Variants in SV2B observed in about 807,000 individuals in gnomAD.
SV2B encodes synaptic vesicle glycoprotein 2B.
In SV2B, 41 loss-of-function variants were observed where a neutral mutation model predicts 73.9. The ratio of observed to expected loss-of-function variants is 0.56; its 90% CI spans 0.43 to 0.72. SV2B has a LOEUF of 0.72. SV2B is among the 30% of genes least tolerant of loss of function. The pLI is 0.00. For synonymous variants in SV2B, 314 were observed against 314.2 expected, an observed-to-expected ratio of 1.00 and a Z score of 0.01; for missense variants, 764 against 857.8, an observed-to-expected ratio of 0.89 and a Z score of 1.37.
At chr15:91,168,953 A>T (rs2044016576) in intron 1 of SV2B, among the ~76,000 whole-genome samples, 2 of 152,208 alleles carry the variant, frequency 1.3e-5, no homozygotes, top group Non-Finnish European at 2.9e-5. Context: ...GTCCATGGTG[A>T]TTCTTCTTAT....
chr15:91,208,195 G>A (rs538457540), intron 1 of SV2B, among the ~76,000 whole-genome samples: 10 of 152,260 alleles, frequency 6.6e-5, no homozygotes, highest in South Asian at 2.1e-4. Context: ...GAAACCTAGC[G>A]GTGTCTGAGC....
rs368506500 is a variant in SV2B, at chr15:91,136,657, G to T, written c.-392+36294G>T. On this transcript the variant is annotated intron_variant, in intron 1 of 12. Coordinates refer to ENST00000394232, the MANE Select transcript of SV2B (RefSeq NM_001323032.3). This position sits in a 1 kb window ranked among gnomAD's most constrained non-coding sequence, Gnocchi z 5.6. ...TGGAGCAAGGAAGCTCTAGGTTCCC[G>T]TAAGGCAGACTGCCTTTTTAGTTGT... is the stretch of plus-strand genomic sequence containing the variant. 7.2e-5 allele frequency among the ~76,000 whole-genome samples: 11 copies of T among 152,152 alleles called. No individual in the cohort carries two copies. The highest frequency in any genetic ancestry group is 2.2e-4 in the African/African-American group (9 of 41,426).
chr15:91,109,926 A>C (rs2041992338), intron 1 of SV2B, among the ~76,000 whole-genome samples: 1 of 151,924 alleles, frequency 6.6e-6, no homozygotes, highest in Non-Finnish European at 1.5e-5. Flanking sequence ...TGTAGAGACG[A>C]GGTCTCATTA....
intron 1 of SV2B, among the ~76,000 whole-genome samples, chr15:91,179,903 A>C (rs1340097193): frequency 6.6e-6 from 1 of 150,392 alleles, no homozygotes; most frequent in East Asian, 2.0e-4. Flanking sequence ...TTTAAAGTTA[A>C]TATTGTTATG....
At chr15:91,246,589 C>T (rs953952561) in intron 2 of SV2B, among the ~76,000 whole-genome samples, 1 of 152,190 alleles carries the variant, frequency 6.6e-6, no homozygotes, top group East Asian at 1.9e-4. Flanking sequence ...GAACTGGGCT[C>T]TTTCTTGCAT....
intron 1 of SV2B, among the ~76,000 whole-genome samples, chr15:91,198,889 C>G (rs1437409381): frequency 6.6e-6 from 1 of 152,208 alleles, no homozygotes; most frequent in African/African-American, 2.4e-5. Context: ...TAGGAGATGC[C>G]TCTTTAGGAC....
intron 1 of SV2B, among the ~76,000 whole-genome samples, chr15:91,153,482 C>T (rs188691362): frequency 2.0e-5 from 3 of 152,242 alleles, no homozygotes; most frequent in East Asian, 1.9e-4. Flanking sequence ...GGCTCAATTT[C>T]CCCATCCCTC....
At chr15:91,279,147 C>A (rs1020154479) in intron 9 of SV2B, among the ~76,000 whole-genome samples, 1 of 152,196 alleles carries the variant, frequency 6.6e-6, no homozygotes, top group Non-Finnish European at 1.5e-5. Context: ...CCAACTGGAT[C>A]ACAAGTGTCC....
chr15:91,150,068 GATC>G (rs1348315426), intron 1 of SV2B, among the ~76,000 whole-genome samples: 4 of 152,006 alleles, frequency 2.6e-5, no homozygotes, highest in Non-Finnish European at 2.9e-5. Context: ...GCAATGGTGC[GATC>G]TTGGCTACTG....
intron 1 of SV2B, among the ~76,000 whole-genome samples, chr15:91,178,119 C>G (rs1331717386): frequency 6.6e-6 from 1 of 151,292 alleles, no homozygotes; most frequent in Non-Finnish European, 1.5e-5. Flanking sequence ...TGAATTTTGT[C>G]AAAGGCCTTT....
In SV2B at chr15:91,129,174, C is replaced by T. The variant is rs1324373494; in HGVS notation, c.-392+28811C>T. The stretch of plus-strand genomic sequence containing the variant: ...GATCCTTGGGATCAAGTCACTTCAA[C>T]AAATATTTAACATGCCCTGGGGTAG... On this transcript the variant is annotated intron_variant, in intron 1 of 12. Coordinates refer to ENST00000394232, the MANE Select transcript of SV2B (RefSeq NM_001323032.3). This position sits in a 1 kb window ranked among gnomAD's most constrained non-coding sequence, Gnocchi z 5.1. Among the ~76,000 whole-genome samples the T allele has an allele frequency of 6.6e-6, 1 of 152,146 alleles. No individual in the cohort carries two copies. The highest frequency in any genetic ancestry group is 1.5e-5 in the Non-Finnish European group (1 of 68,022).
intron 1 of SV2B, among the ~76,000 whole-genome samples, chr15:91,217,065 TG>T (rs1301651581): frequency 1.3e-5 from 2 of 151,504 alleles, no homozygotes; most frequent in East Asian, 4.0e-4. Context: ...TTAGTGGGGA[TG>T]GGGTTTCGCC....
chr15:91,157,183 C>T (rs1264439702), intron 1 of SV2B, among the ~76,000 whole-genome samples: 1 of 152,164 alleles, frequency 6.6e-6, no homozygotes, highest in Admixed American at 6.5e-5. Flanking sequence ...TCGTCAAAGT[C>T]TGCAGAACCT....
chr15:91,125,781 C>CAAAAAAAAAAAAAAAAAAAAAAAAAAAAA (rs200016125), intron 1 of SV2B, among the ~76,000 whole-genome samples: 10 of 57,072 alleles, frequency 1.8e-4, no homozygotes, highest in African/African-American at 2.6e-4. Context: ...TCTCAAGGGG[C>CAAAAAAAAAAAAAAAAAAAAAAAAAAAAA]AAAAAAAAAA....
intron 2 of SV2B, among the ~76,000 whole-genome samples, chr15:91,230,259 A>G (rs535255888): frequency 2.0e-5 from 3 of 148,320 alleles, no homozygotes; most frequent in Non-Finnish European, 4.4e-5. Flanking sequence ...AAAAAAAAAA[A>G]AAGAAAAGAA....
At chr15:91,228,539 A>G (rs1474721232) in intron 2 of SV2B, among the ~76,000 whole-genome samples, 3 of 152,264 alleles carry the variant, frequency 2.0e-5, no homozygotes, top group South Asian at 4.1e-4. Flanking sequence ...CAAATTGGCA[A>G]TGTCGGTAAT....
At chr15:91,162,982 C>A (rs1473174531) in intron 1 of SV2B, among the ~76,000 whole-genome samples, 1 of 151,406 alleles carries the variant, frequency 6.6e-6, no homozygotes, top group Non-Finnish European at 1.5e-5. Context: ...TCTCATTGTT[C>A]AATTCCCACC....
At position 91,245,419 on chromosome 15, in the gene SV2B, TA is replaced by T. The variant is rs1440078431; in HGVS notation, c.452-6399del. Among the ~76,000 whole-genome samples, 1 of 152,246 alleles carries T rather than the reference TA, an allele frequency of 6.6e-6. No individual in the cohort carries two copies. Among genetic ancestry groups the T allele is most frequent in the Non-Finnish European group, 1.5e-5 (1 of 68,044 alleles). ...ATCGTGTAAATACAGTATGTAGTTA[TA>T]CACGTACCAATACAAATACAAAAAT... On this transcript the variant is annotated intron_variant, in intron 2 of 12. Transcript: ENST00000394232. The surrounding 1 kb of genome is among the most constrained non-coding windows in gnomAD (Gnocchi z 4.2).
At chr15:91,177,352 T>G (rs1478421466) in intron 1 of SV2B, among the ~76,000 whole-genome samples, 1 of 151,856 alleles carries the variant, frequency 6.6e-6, no homozygotes, top group African/African-American at 2.4e-5. Flanking sequence ...TTCTTTTGGC[T>G]TAGGATTGAC....
Sources: allele counts gnomAD v4.1 joint callset (sites outside exome capture counted in the v4.1 genomes callset), GRCh38; gene constraint gnomAD v4.1.1; non-coding constraint Gnocchi (gnomAD v3.1); transcripts MANE v1.5; gene names NCBI Gene and HGNC (gene_info 2026-07-23, HGNC 2026-07-21).